Variants in KCNV2 observed in about 807,000 individuals in gnomAD.
The protein encoded by KCNV2 is potassium voltage-gated channel subfamily V member 2.
In KCNV2, 65 loss-of-function variants were observed where a neutral mutation model predicts 37.0. The observed-to-expected ratio is 1.76, with a 90% CI of 1.44 to 2.16. The LOEUF (loss-of-function observed/expected upper bound fraction) is 2.16, where lower values mean the gene tolerates loss of function less well. Among genes scored for constraint, KCNV2 ranks in the 30% most tolerant of loss-of-function variants. The pLI, the probability that KCNV2 is intolerant of heterozygous loss-of-function variation, is 0.00. For synonymous variants in KCNV2, 518 were observed against 328.6 expected (o/e 1.58, Z -6.23); for missense variants, 1,232 against 766.7 (o/e 1.61, Z -7.17).
Position 2,729,640 on chromosome 9 carries a change from G to C in KCNV2, c.1551G>C (p.Glu517Asp), listed in dbSNP as rs1299317195. 1 of 1,614,102 alleles carries C rather than the reference G, an allele frequency of 6.2e-7. No individual in the cohort carries two copies. Among genetic ancestry groups the C allele is most frequent in the Non-Finnish European group, 8.5e-7 (1 of 1,179,994 alleles). Reference protein sequence around the residue: ...EYTTIRRERGEVNFMQRARKK... With the variant: ...EYTTIRRERGDVNFMQRARKK... ...CCACCATACGCAGGGAGAGGGGAGA[G>C]GTGAACTTCATGCAGAGAGCCAGAA... Residue 517 changes from glutamate (E) to aspartate (D), a missense_variant, in exon 2 of 2, where the codon GAG (glutamate) becomes GAC (aspartate). By Grantham distance (45) the Glu-to-Asp change is conservative. Transcript: ENST00000382082.
Position 2,717,891 on chromosome 9 carries a change from ATAACTAC to A in KCNV2, c.155_161del (p.Asn52ThrfsTer46), listed in dbSNP as rs775365730. On this transcript the variant is annotated frameshift_variant, in exon 1 of 2. Transcript: ENST00000382082. LOFTEE classifies it high-confidence loss of function. ...ATCCACGGCTGGACAGAGGGCAACTATAACTACTACATCGAGGAAGACGAAGACGGCG... is the reference window on the plus strand; with the variant it reads ...ATCCACGGCTGGACAGAGGGCAACTATACATCGAGGAAGACGAAGACGGCG... 1.2e-6 allele frequency: 2 copies of A among 1,614,198 alleles called. No homozygotes were observed. Among genetic ancestry groups the A allele is most frequent in the Admixed American group, 3.3e-5 (2 of 60,030 alleles).
intron 1 of KCNV2, among the ~76,000 whole-genome samples, chr9:2,719,819 G>A (rs1819831817): frequency 6.6e-6 from 1 of 152,242 alleles, no homozygotes; most frequent in Non-Finnish European, 1.5e-5. Context: ...CCCAAGCACA[G>A]TCTCTTTCAA....
intron 1 of KCNV2, among the ~76,000 whole-genome samples, chr9:2,728,917 G>A (rs772211637): frequency 1.3e-5 from 2 of 151,552 alleles, no homozygotes; most frequent in South Asian, 4.2e-4. Context: ...AAAAGAGAGA[G>A]AGAGAGTCTG....
At position 2,718,286 on chromosome 9, in the gene KCNV2, G is replaced by C. The variant is rs1272477167; in HGVS notation, c.547G>C (p.Glu183Gln). 1.2e-6 allele frequency: 2 copies of C among 1,611,330 alleles called. No individual in the cohort carries two copies. Among genetic ancestry groups the C allele is most frequent in the Non-Finnish European group, 1.7e-6 (2 of 1,179,752 alleles). ...LDGLCPRRFL[E>Q]ELGYWGVRLK... ...CGGGCTGTGTCCGCGCCGCTTCCTGGAGGAGCTGGGCTACTGGGGCGTGCG... is the reference window on the plus strand; with the variant it reads ...CGGGCTGTGTCCGCGCCGCTTCCTGCAGGAGCTGGGCTACTGGGGCGTGCG... Residue 183 changes from glutamate to glutamine, a missense_variant, in exon 1 of 2, where the codon GAG becomes CAG. Coordinates refer to ENST00000382082, the MANE Select transcript of KCNV2 (RefSeq NM_133497.4).
At chr9:2,721,222 G>A (rs1461466404) in intron 1 of KCNV2, among the ~76,000 whole-genome samples, 1 of 151,962 alleles carries the variant, frequency 6.6e-6, no homozygotes. Flanking sequence ...AATGGTCTTT[G>A]TCCATTTTAT....
In KCNV2 at chr9:2,718,633, G is replaced by T; in HGVS notation, c.894G>T (p.Leu298=). The T allele has an allele frequency of 6.2e-7, 1 of 1,613,184 alleles. No homozygotes were observed. Among genetic ancestry groups the T allele is most frequent in the Non-Finnish European group, 8.5e-7 (1 of 1,179,802 alleles). The change falls in exon 1 of 2, where the codon CTG becomes CTT. Residue 298 remains leucine, a synonymous_variant. Coordinates refer to ENST00000382082, the MANE Select transcript of KCNV2 (RefSeq NM_133497.4). ...HSGQGEGGPD[L]RPILEHVEML... is the part of the protein sequence containing the mutation. ...GGCAGGGCGAGGGCGGCCCAGACCTGCGGCCCATCCTGGAGCACGTGGAGA... is the reference window on the plus strand; with the variant it reads ...GGCAGGGCGAGGGCGGCCCAGACCTTCGGCCCATCCTGGAGCACGTGGAGA...
Position 2,718,588 on chromosome 9 carries a change from G to C in KCNV2, c.849G>C (p.Glu283Asp). ...TGGCGCTGGCGCTCAACACCGTGGA[G>C]GAGATGCAGCAGCACTCGGGGCAGG... is the stretch of plus-strand genomic sequence containing the variant. ...SVVALALNTV[E>D]EMQQHSGQGE... is the part of the protein sequence containing the mutation. Residue 283 changes from glutamate to aspartate, a missense_variant, in exon 1 of 2, where the codon GAG (glutamate) becomes GAC (aspartate). Coordinates refer to ENST00000382082, the MANE Select transcript of KCNV2 (RefSeq NM_133497.4). 2 of 1,612,976 alleles carry C rather than the reference G, an allele frequency of 1.2e-6. No individual in the cohort carries two copies. The highest frequency in any genetic ancestry group is 8.5e-7 in the Non-Finnish European group (1 of 1,179,816).
Position 2,729,675 on chromosome 9 carries a change from C to T in KCNV2, c.1586C>T (p.Ala529Val). Residue 529 changes from alanine to valine, a missense_variant, in exon 2 of 2, where the codon GCT (alanine) becomes GTT (valine). Ala to Val is a moderately conservative substitution (Grantham distance 64, BLOSUM62 0). Coordinates refer to ENST00000382082, the MANE Select transcript of KCNV2 (RefSeq NM_133497.4). ...NFMQRARKKI[A>V]ECLLGSNPQL... ...ATGCAGAGAGCCAGAAAGAAGATAG[C>T]TGAGTGTTTGCTTGGAAGCAACCCA... 1 of 1,614,100 alleles carries T rather than the reference C, an allele frequency of 6.2e-7. No homozygotes were observed. Among genetic ancestry groups the T allele is most frequent in the Non-Finnish European group, 8.5e-7 (1 of 1,179,994 alleles).
At chr9:2,725,883 A>G (rs1200181889) in intron 1 of KCNV2, among the ~76,000 whole-genome samples, 2 of 152,212 alleles carry the variant, frequency 1.3e-5, no homozygotes, top group African/African-American at 2.4e-5. Flanking sequence ...TTATCCTCAT[A>G]ATATATGGCA....
chr9:2,724,817 T>C (rs1239237588), intron 1 of KCNV2, among the ~76,000 whole-genome samples: 1 of 152,172 alleles, frequency 6.6e-6, no homozygotes, highest in Non-Finnish European at 1.5e-5. Context: ...ATCTGGGAAA[T>C]GTAGTTTGCA....
rs374211938 is a variant in KCNV2 at position 2,718,811 on chromosome 9, G to A, written c.1072G>A (p.Glu358Lys). The A allele has an allele frequency of 1.8e-5, 29 of 1,610,226 alleles. No homozygotes were observed. The highest frequency in any genetic ancestry group is 6.6e-5 in the South Asian group (6 of 91,090). ...GCTGCTGCTCGAGTGCTTCACGGGC[G>A]AGGGCCACCAACGCGGCCAGACGGT... is the stretch of plus-strand genomic sequence containing the variant. ...LQLLLECFTG[E>K]GHQRGQTVGS... The change falls in exon 1 of 2, where the codon GAG becomes AAG. Residue 358 changes from glutamate (E) to lysine (K), a missense_variant. Glu to Lys is a moderately conservative substitution (Grantham distance 56). Coordinates refer to ENST00000382082, the MANE Select transcript of KCNV2 (RefSeq NM_133497.4).
chr9:2,719,675 C>G (rs1474419314), intron 1 of KCNV2, among the ~76,000 whole-genome samples: 1 of 152,168 alleles, frequency 6.6e-6, no homozygotes, highest in East Asian at 1.9e-4. Flanking sequence ...TTTCAGGACC[C>G]TGTATTATTG....
At chr9:2,721,513 G>A (rs7850344) in intron 1 of KCNV2, among the ~76,000 whole-genome samples, 7,071 of 152,208 alleles carry the variant, frequency 0.046, 568 homozygotes, top group African/African-American at 0.16. Flanking sequence ...CCGGTATGTA[G>A]ATGCAAAGTG....
intron 1 of KCNV2, among the ~76,000 whole-genome samples, chr9:2,719,301 G>C (rs1220539015): frequency 6.6e-6 from 1 of 152,116 alleles, no homozygotes; most frequent in African/African-American, 2.4e-5. Flanking sequence ...AAGTGAATTT[G>C]ACTTAGTCGT....
chr9:2,724,432 A>G (rs1191955716), intron 1 of KCNV2, among the ~76,000 whole-genome samples: 1 of 152,238 alleles, frequency 6.6e-6, no homozygotes, highest in Non-Finnish European at 1.5e-5. Flanking sequence ...AAGGAAATAG[A>G]TAGTTGTTAG....
chr9:2,724,211 G>C (rs1819932181), intron 1 of KCNV2, among the ~76,000 whole-genome samples: 1 of 149,202 alleles, frequency 6.7e-6, no homozygotes, highest in Admixed American at 6.6e-5. Context: ...CTCTAGTTGA[G>C]GCACCATTTT....
At position 2,729,713 on chromosome 9, in the gene KCNV2, A is replaced by T; in HGVS notation, c.1624A>T (p.Arg542Ter). The T allele has an allele frequency of 6.2e-7, 1 of 1,614,114 alleles. No individual in the cohort carries two copies. Among genetic ancestry groups the T allele is most frequent in the Non-Finnish European group, 8.5e-7 (1 of 1,179,972 alleles). Residue 542 changes from arginine (R) to a stop codon, truncating the protein, a stop_gained, in exon 2 of 2, where the codon AGA (arginine) becomes TGA (stop). Coordinates refer to ENST00000382082, the MANE Select transcript of KCNV2 (RefSeq NM_133497.4). LOFTEE classifies it high-confidence loss of function. ...LLGSNPQLTP[R>*]QEN The stretch of plus-strand genomic sequence containing the variant: ...TGGAAGCAACCCACAGCTCACCCCA[A>T]GACAAGAGAATTAGTATTTTATAGG...
chr9:2,721,186 C>G (rs774233070), intron 1 of KCNV2, among the ~76,000 whole-genome samples: 9 of 152,186 alleles, frequency 5.9e-5, no homozygotes, highest in Non-Finnish European at 1.2e-4. Context: ...TTCCAACCAT[C>G]CCATTTACAA....
Position 2,730,035 on chromosome 9 carries a change from T to G in KCNV2, c.*308T>G, listed in dbSNP as rs60723920. On this transcript the variant is annotated 3_prime_UTR_variant, in exon 2 of 2. Transcript: ENST00000382082. Reference sequence around the variant, plus strand: ...CTAGCTCAATAAATATTTTTGGACTTGAGTTGACTTGAGAAAATTTTTTTT... The same window carrying G: ...CTAGCTCAATAAATATTTTTGGACTGGAGTTGACTTGAGAAAATTTTTTTT... 3,076 of 296,820 alleles carry G rather than the reference T, an allele frequency of 0.01. 82 individuals carry two copies. Among genetic ancestry groups the G allele is most frequent in the African/African-American group, 0.063 (2,908 of 46,340 alleles). 18.4% of individuals were successfully genotyped at this position (296,820 alleles called of 1,614,324 possible). A position where few individuals can be genotyped will look rare whatever the true frequency, so the allele number is the denominator to read the frequency against.
Sources: gnomAD v4.1 joint callset for allele counts (sites outside exome capture counted in the v4.1 genomes callset) on GRCh38, gnomAD v4.1.1 for gene constraint, MANE v1.5 for transcripts, NCBI Gene and HGNC (gene_info 2026-07-23, HGNC 2026-07-21) for gene names.